Variants in EPHA3 observed in about 807,000 individuals in gnomAD.
The protein encoded by EPHA3 is EPH receptor A3.
A neutral mutation model predicts 107.1 loss-of-function variants in EPHA3; 42 were observed. The ratio of observed to expected loss-of-function variants is 0.39; its 90% CI spans 0.31 to 0.51. EPHA3 has a LOEUF of 0.51. EPHA3 is among the 20% of genes least tolerant of loss of function. The pLI is 0.78. For synonymous variants in EPHA3, 461 were observed against 424.8 expected (o/e 1.09, Z -1.05); for missense variants, 1,183 against 1,211.2 (o/e 0.98, Z 0.35).
intron 7 of EPHA3, among the ~76,000 whole-genome samples, chr3:89,405,044 A>G (rs2107514445): frequency 1.3e-5 from 2 of 152,306 alleles, no homozygotes; most frequent in South Asian, 2.1e-4. Context: ...ACAAAGATGA[A>G]ACTATAAGAG....
At chr3:89,243,712 C>T (rs1027418978) in intron 3 of EPHA3, among the ~76,000 whole-genome samples, 2 of 152,078 alleles carry the variant, frequency 1.3e-5, no homozygotes, top group African/African-American at 4.8e-5. Flanking sequence ...CTGTAGGTTG[C>T]GTGTTCACTC....
intron 2 of EPHA3, among the ~76,000 whole-genome samples, chr3:89,202,165 T>C (rs1470136985): frequency 6.6e-6 from 1 of 152,090 alleles, no homozygotes; most frequent in African/African-American, 2.4e-5. Context: ...GTATGTGTTA[T>C]GCCTCCTCCA....
intron 3 of EPHA3, among the ~76,000 whole-genome samples, chr3:89,315,016 A>G (rs1428694286): frequency 2.6e-5 from 4 of 151,836 alleles, no homozygotes; most frequent in Admixed American, 6.6e-5. Flanking sequence ...GATTAGTGTT[A>G]AGGAAATAAT....
intron 16 of EPHA3, among the ~76,000 whole-genome samples, chr3:89,477,178 A>T (rs191777126): frequency 3.9e-5 from 6 of 152,310 alleles, no homozygotes; most frequent in Admixed American, 2.0e-4. Context: ...GGCAGGGATC[A>T]ACAGAAGTAG....
intron 16 of EPHA3, among the ~76,000 whole-genome samples, chr3:89,477,313 G>C (rs1710536132): frequency 6.6e-6 from 1 of 152,136 alleles, no homozygotes; most frequent in Non-Finnish European, 1.5e-5. Context: ...CCTAAGGCAA[G>C]GCACAAGCTC....
intron 3 of EPHA3, among the ~76,000 whole-genome samples, chr3:89,316,505 AATATATATATATAT>A (rs58576798): frequency 3.8e-5 from 4 of 104,134 alleles, no homozygotes; most frequent in African/African-American, 1.4e-4. Context: ...GTGTGTGTGT[AATATATATATATAT>A]ATATATATAT....
At chr3:89,282,679 A>G (rs1705977722) in intron 3 of EPHA3, among the ~76,000 whole-genome samples, 1 of 152,090 alleles carries the variant, frequency 6.6e-6, no homozygotes, top group African/African-American at 2.4e-5. Context: ...AATTATAAGT[A>G]CCAATTTGGG....
chr3:89,231,109 T>C (rs949647446), intron 3 of EPHA3, among the ~76,000 whole-genome samples: 3 of 152,154 alleles, frequency 2.0e-5, no homozygotes, highest in South Asian at 2.1e-4. Context: ...TAGACAGTAA[T>C]TAATTCTTTT....
chr3:89,471,917 T>A (rs1373384992), intron 15 of EPHA3, among the ~76,000 whole-genome samples: 1 of 152,102 alleles, frequency 6.6e-6, no homozygotes, highest in Non-Finnish European at 1.5e-5. Context: ...TTTCTATTAT[T>A]TTTTATTTTT....
chr3:89,298,915 C>A (rs1382680488), intron 3 of EPHA3, among the ~76,000 whole-genome samples: 1 of 151,984 alleles, frequency 6.6e-6, no homozygotes, highest in Non-Finnish European at 1.5e-5. Flanking sequence ...CTACTATCAT[C>A]ATGAAGATGA....
At chr3:89,426,641 G>A (rs1034534271) in intron 11 of EPHA3, among the ~76,000 whole-genome samples, 2 of 151,794 alleles carry the variant, frequency 1.3e-5, no homozygotes, top group African/African-American at 2.4e-5. Context: ...ATGAGAAATG[G>A]TCATAAGGCT....
chr3:89,347,390 G>C (rs955303214), intron 5 of EPHA3, among the ~76,000 whole-genome samples: 5 of 149,314 alleles, frequency 3.3e-5, no homozygotes, highest in African/African-American at 1.2e-4. Flanking sequence ...ATTGTGAATG[G>C]GAGTTCACTC....
At chr3:89,199,112 G>A (rs1176497434) in intron 2 of EPHA3, among the ~76,000 whole-genome samples, 1 of 152,080 alleles carries the variant, frequency 6.6e-6, no homozygotes, top group African/African-American at 2.4e-5. Context: ...AAGCCATTTG[G>A]CTATATATGA....
rs570315582 is a variant in EPHA3 at position 89,339,090 on chromosome 3, C to T, written c.815-1826C>T. ...TACATACAGCTTCATAAATATTTGTCGGCCTGTGGCGGTGACTCACGCCTG... is the reference window on the plus strand; with the variant it reads ...TACATACAGCTTCATAAATATTTGTTGGCCTGTGGCGGTGACTCACGCCTG... On this transcript the variant is annotated intron_variant, in intron 3 of 16. Transcript: ENST00000336596. Among the ~76,000 whole-genome samples, 17 of 152,162 alleles carry T rather than the reference C, an allele frequency of 1.1e-4. No individual in the cohort carries two copies. In the East Asian group the frequency reaches 2.7e-3, roughly 24 times the overall value.
chr3:89,233,138 T>G (rs1483810133), intron 3 of EPHA3, among the ~76,000 whole-genome samples: 1 of 152,172 alleles, frequency 6.6e-6, no homozygotes, highest in African/African-American at 2.4e-5. Flanking sequence ...TTTAGGAGAA[T>G]AGCTTTTTGT....
At chr3:89,355,869 C>T (rs1435159780) in intron 5 of EPHA3, among the ~76,000 whole-genome samples, 1 of 149,376 alleles carries the variant, frequency 6.7e-6, no homozygotes, top group East Asian at 2.0e-4. Context: ...TTTTAGGGTA[C>T]ATGTGAACAA....
At chr3:89,132,175 G>A (rs1704220390) in intron 2 of EPHA3, among the ~76,000 whole-genome samples, 1 of 152,142 alleles carries the variant, frequency 6.6e-6, no homozygotes, top group Non-Finnish European at 1.5e-5. Context: ...TGGGTCTGCA[G>A]CAGCTGCATT....
chr3:89,279,465 C>T (rs1398967270), intron 3 of EPHA3, among the ~76,000 whole-genome samples: 1 of 151,942 alleles, frequency 6.6e-6, no homozygotes, highest in African/African-American at 2.4e-5. Flanking sequence ...AAATATATAG[C>T]TACCTATTGT....
At chr3:89,241,873 A>G (rs1704903514) in intron 3 of EPHA3, among the ~76,000 whole-genome samples, 1 of 152,194 alleles carries the variant, frequency 6.6e-6, no homozygotes, top group African/African-American at 2.4e-5. Flanking sequence ...TTTTCCAATG[A>G]TAGTTTAACT....
Sources: gnomAD v4.1 joint callset for allele counts (sites outside exome capture counted in the v4.1 genomes callset) on GRCh38, gnomAD v4.1.1 for gene constraint, MANE v1.5 for transcripts, NCBI Gene and HGNC (gene_info 2026-07-23, HGNC 2026-07-21) for gene names.